The following NOSTRIN variants were observed in gnomAD, a reference collection of about 807,000 sequenced individuals.
NOSTRIN encodes the protein BM247 homolog.
In NOSTRIN, 63 loss-of-function variants were observed where a neutral mutation model predicts 59.0. That is an observed-to-expected ratio of 1.07 (90% CI 0.87 to 1.32). The LOEUF is 1.32. Among genes scored for constraint, NOSTRIN ranks in the 40% most tolerant of loss-of-function variants. The pLI is 0.00. For missense variants in NOSTRIN, 512 were observed against 473.1 expected (o/e 1.08, Z -0.76); for synonymous variants, 200 against 165.4 (o/e 1.21, Z -1.61).
upstream of NOSTRIN, among the ~76,000 whole-genome samples, chr2:168,797,581 A>G (rs1026830513): frequency 3.6e-4 from 55 of 152,242 alleles, no homozygotes; most frequent in African/African-American, 1.3e-3. Flanking sequence ...AAGGGACAGC[A>G]TAAGCAAAAT....
chr2:168,855,455 A>C lies in NOSTRIN; in HGVS notation c.959A>C (p.Lys320Thr). The stretch of plus-strand genomic sequence containing the variant: ...GACATTGAAAAAGCCTCAAAAGACA[A>C]GGAAGGTGTGTAACCATCTCTTTGA... ...QRDIEKASKD[K>T]EGLERMLKTY... is the part of the protein sequence containing the mutation. Residue 320 changes from lysine (K) to threonine (T), a missense_variant, in exon 11 of 16, where the codon AAG (lysine) becomes ACG (threonine). By Grantham distance (78) the Lys-to-Thr change is moderately conservative. Transcript: ENST00000317647. The C allele has an allele frequency of 6.3e-7, 1 of 1,590,470 alleles. No individual in the cohort carries two copies. The highest frequency in any genetic ancestry group is 8.6e-7 in the Non-Finnish European group (1 of 1,159,798).
chr2:168,860,900 T>TCAA lies in NOSTRIN; in HGVS notation c.1287_1289dup (p.Thr430dup). 1.9e-6 allele frequency: 3 copies of TCAA among 1,609,628 alleles called. No homozygotes were observed. Among genetic ancestry groups the TCAA allele is most frequent in the Non-Finnish European group, 2.6e-6 (3 of 1,175,948 alleles). On this transcript the variant is annotated inframe_insertion, in exon 14 of 16. Transcript: ENST00000317647. ...TGGTGGGCAGAGCAATCCAGGTTCT[T>TCAA]CAACTCCAGGTAATCCCATGCCCAC...
In NOSTRIN at chr2:168,859,547, C is replaced by T. The variant is rs777444835; in HGVS notation, c.1089C>T (p.Ser363=). 10 of 1,614,098 alleles carry T rather than the reference C, an allele frequency of 6.2e-6. No homozygotes were observed. Among genetic ancestry groups the T allele is most frequent in the Non-Finnish European group, 8.5e-6 (10 of 1,179,986 alleles). ...NLKLDLLEAN[S]YKLSSMLAEL... ...AACTAGACCTTTTGGAAGCGAACTC[C>T]TACAAACTGTCATCAATGTTAGCAG... Residue 363 remains serine (S), a synonymous_variant, in exon 13 of 16, where the codon TCC becomes TCT. Coordinates refer to ENST00000317647, the MANE Select transcript of NOSTRIN (RefSeq NM_001039724.4).
At chr2:168,792,077 G>T (rs1371881758) in intron 2 of NOSTRIN, among the ~76,000 whole-genome samples, 1 of 152,090 alleles carries the variant, frequency 6.6e-6, no homozygotes. Flanking sequence ...GTCCTGAATG[G>T]TATTGCCTAG....
intron 2 of NOSTRIN, among the ~76,000 whole-genome samples, chr2:168,791,159 C>A (rs1404985910): frequency 6.6e-6 from 1 of 152,170 alleles, no homozygotes; most frequent in African/African-American, 2.4e-5. Context: ...CACCCCACAA[C>A]AGTCCCCAGT....
chr2:168,844,102 A>G (rs1430276210), intron 8 of NOSTRIN, among the ~76,000 whole-genome samples: 1 of 152,210 alleles, frequency 6.6e-6, no homozygotes, highest in Non-Finnish European at 1.5e-5. Flanking sequence ...CACTTACACA[A>G]TCTGTGTAAA....
At chr2:168,812,682 A>T (rs554544647) in intron 2 of NOSTRIN, among the ~76,000 whole-genome samples, 1 of 152,296 alleles carries the variant, frequency 6.6e-6, no homozygotes, top group South Asian at 2.1e-4. Flanking sequence ...AGGCAGGAAA[A>T]TGTGGGAAGG....
At chr2:168,841,995 C>T (rs1387805786) in intron 7 of NOSTRIN, among the ~76,000 whole-genome samples, 1 of 152,158 alleles carries the variant, frequency 6.6e-6, no homozygotes, top group African/African-American at 2.4e-5. Context: ...AGCCTTCCTT[C>T]CTGCTGGGAA....
intron 2 of NOSTRIN, among the ~76,000 whole-genome samples, chr2:168,813,544 T>A (rs1420802296): frequency 6.6e-6 from 1 of 152,178 alleles, no homozygotes; most frequent in Non-Finnish European, 1.5e-5. Flanking sequence ...TCTTGAAGTC[T>A]CTTCCTAGGG....
chr2:168,795,652 G>A (rs1194606000), upstream of NOSTRIN, among the ~76,000 whole-genome samples: 1 of 152,174 alleles, frequency 6.6e-6, no homozygotes, highest in Non-Finnish European at 1.5e-5. Context: ...CTATAAGACA[G>A]TTTTGCATGT....
chr2:168,802,725 G>T (rs769335251), intron 1 of NOSTRIN, 52 bp downstream of exon 1: 3 of 855,734 alleles, frequency 3.5e-6, no homozygotes, highest in East Asian at 4.8e-5. Context: ...GGTGGAGGGT[G>T]GATTTGTATA....
chr2:168,863,150 TTA>T (rs1455013887), intron 15 of NOSTRIN, among the ~76,000 whole-genome samples: 1 of 152,196 alleles, frequency 6.6e-6, no homozygotes, highest in African/African-American at 2.4e-5. Flanking sequence ...TACTTATACT[TTA>T]TATTCTAAGC....
chr2:168,803,446 T>C (rs1426839169), intron 1 of NOSTRIN, among the ~76,000 whole-genome samples: 4 of 152,190 alleles, frequency 2.6e-5, no homozygotes, highest in Non-Finnish European at 5.9e-5. Context: ...GAGGTTGCAG[T>C]CATCCTTCAT....
chr2:168,818,218 A>G (rs1686523220), intron 2 of NOSTRIN: 1 of 425,898 alleles, frequency 2.3e-6, no homozygotes, highest in Non-Finnish European at 4.8e-6. Flanking sequence ...CAGTGGTGCA[A>G]TTATAGCTTG....
At chr2:168,848,741 T>C (rs1688573507) in intron 8 of NOSTRIN, among the ~76,000 whole-genome samples, 1 of 152,128 alleles carries the variant, frequency 6.6e-6, no homozygotes, top group African/African-American at 2.4e-5. Flanking sequence ...GTAGTTAAAT[T>C]TGTAGAGACA....
At chr2:168,840,080 C>G (rs1687982293) in intron 7 of NOSTRIN, among the ~76,000 whole-genome samples, 1 of 151,714 alleles carries the variant, frequency 6.6e-6, no homozygotes, top group Non-Finnish European at 1.5e-5. Context: ...GTTCTCATTC[C>G]TGGGGTGCTG....
chr2:168,822,417 G>A (rs1433295795), intron 2 of NOSTRIN, among the ~76,000 whole-genome samples: 1 of 152,196 alleles, frequency 6.6e-6, no homozygotes, highest in African/African-American at 2.4e-5. Flanking sequence ...TTTTATAGAA[G>A]AGGGCTGTCT....
intron 2 of NOSTRIN, among the ~76,000 whole-genome samples, chr2:168,824,198 C>T (rs1177328600): frequency 4.6e-5 from 7 of 152,204 alleles, no homozygotes; most frequent in Non-Finnish European, 7.3e-5. Context: ...CTCTTCTTTA[C>T]GTAGGCATTA....
At chr2:168,823,877 G>A (rs1480296560) in intron 2 of NOSTRIN, among the ~76,000 whole-genome samples, 1 of 152,180 alleles carries the variant, frequency 6.6e-6, no homozygotes, top group Non-Finnish European at 1.5e-5. Flanking sequence ...AGGCGTTTGA[G>A]ACCAGCTGAA....
Sources: allele counts gnomAD v4.1 joint callset (sites outside exome capture counted in the v4.1 genomes callset), GRCh38; gene constraint gnomAD v4.1.1; transcripts MANE v1.5; gene names NCBI Gene and HGNC (gene_info 2026-07-23, HGNC 2026-07-21).